Variants in HCFC1 observed in about 807,000 individuals in gnomAD.
HCFC1 encodes the protein host cell factor C1.
In HCFC1, 7 loss-of-function variants were observed where a neutral mutation model predicts 105.5. The observed-to-expected ratio is 0.07, with a 90% CI of 0.04 to 0.12. HCFC1 has a LOEUF of 0.12. HCFC1 is among the 10% of genes least tolerant of loss of function. HCFC1 has a pLI of 1.00. For missense variants in HCFC1, 1,065 were observed against 1,823.6 expected, an observed-to-expected ratio of 0.58 and a Z score of 7.58; for synonymous variants, 918 against 828.1, an observed-to-expected ratio of 1.11 and a Z score of -1.86.
rs965684015 is a variant in HCFC1, at chrX:153,970,877, A to G, written c.-37T>C. On this transcript the variant is annotated 5_prime_UTR_variant, in exon 1 of 26. Transcript: ENST00000310441. ...AGGGTGCGGTGGGGAGAAGTCAACAAGCGGGAAGGGAGCCCCTCAATTCCT... is the reference window on the plus strand; with the variant it reads ...AGGGTGCGGTGGGGAGAAGTCAACAGGCGGGAAGGGAGCCCCTCAATTCCT... 8.3e-6 allele frequency: 9 copies of G among 1,080,997 alleles called. No individual in the cohort carries two copies. The African/African-American group carries it at 1.5e-4, about 18-fold the overall frequency. 89.1% of individuals were successfully genotyped at this position (1,080,997 alleles called of 1,213,427 possible). A position where few individuals can be genotyped will look rare whatever the true frequency, so the allele number is the denominator to read the frequency against.
At chrX:153,958,366 G>A in intron 10 of HCFC1, 117 bp from the exon 11 acceptor site, 2 of 692,469 alleles carry the variant, frequency 2.9e-6, no homozygotes, top group Admixed American at 2.8e-5. Context: ...TCCTCCTCCT[G>A]CTCCCAAGCC....
At position 153,954,030 on chromosome X, in the gene HCFC1, G is replaced by A. The variant is rs782728808; in HGVS notation, c.4333+36C>T. The A allele has an allele frequency of 5.8e-5, 68 of 1,166,237 alleles. No homozygotes were observed. The East Asian group carries it at 1.0e-3, about 18-fold the overall frequency. ...TTGGCCTTTCAGCCTGGGGGGCTGG[G>A]AGACCATGAAAGCCAGGCTGGCCAC... On this transcript the variant is annotated intron_variant, in intron 17 of 25. Coordinates refer to ENST00000310441, the MANE Select transcript of HCFC1 (RefSeq NM_005334.3).
In HCFC1 at chrX:153,949,054, G is replaced by A. The variant is rs190463296; in HGVS notation, c.*293C>T. ...GGCGGAGCTGGCTGTCCTCAGCTCC[G>A]CCTTCCCTCCCCGCAAAAGTCTCTC... On this transcript the variant is annotated 3_prime_UTR_variant, in exon 26 of 26. Coordinates refer to ENST00000310441, the MANE Select transcript of HCFC1 (RefSeq NM_005334.3). 0.015 allele frequency: 3,601 copies of A among 233,627 alleles called. 120 individuals are homozygous for A. The highest frequency in any genetic ancestry group is 0.098 in the African/African-American group (3,353 of 34,267). The allele number at this position is 233,627 out of a possible 1,213,427, so 19.3% of individuals were successfully genotyped here.
chrX:153,950,741 C>T (rs910759871), intron 23 of HCFC1, 72 bp downstream of exon 23: 41 of 1,064,514 alleles, frequency 3.9e-5, no homozygotes, highest in South Asian at 1.2e-4. Flanking sequence ...TATGCCCCCC[C>T]CCGGCCACCT....
chrX:153,953,747 G>C lies in HCFC1; in HGVS notation c.4357C>G (p.Gln1453Glu). Reference protein sequence around the residue: ...NQDPPPAASDQGEVESTQGDS... With the variant: ...NQDPPPAASDEGEVESTQGDS... ...CCCTGGGTGCTCTCCACCTCTCCCT[G>C]ATCGCTGGCAGCAGGTGGGGGGTCT... Residue 1453 changes from glutamine (Q) to glutamate (E), a missense_variant, in exon 18 of 26, where the codon CAG becomes GAG. By Grantham distance (29) the Gln-to-Glu change is conservative. This residue lies in a region of HCFC1 where 546 missense variants were observed against 599.9 expected (regional missense o/e 0.91). Coordinates refer to ENST00000310441, the MANE Select transcript of HCFC1 (RefSeq NM_005334.3). 3 of 1,209,009 alleles carry C rather than the reference G, an allele frequency of 2.5e-6. No individual in the cohort carries two copies. The highest frequency in any genetic ancestry group is 3.4e-6 in the Non-Finnish European group (3 of 894,459).
chrX:153,954,793 C>T lies in HCFC1; in HGVS notation c.3606G>A (p.Gly1202=), dbSNP rs1674635787. The part of the protein sequence containing the change: ...LLGPSMAREP[G]GRSPAFVQLA... ...ACTGCACAAAAGCAGGGCTGCGGCC[C>T]CCGGGCTCCCGTGCCATGCTCGGCC... The change falls in exon 17 of 26, where the codon GGG becomes GGA. Residue 1202 remains glycine (G), a synonymous_variant. Transcript: ENST00000310441. The T allele has an allele frequency of 8.6e-7, 1 of 1,163,532 alleles. No homozygotes were observed. The highest frequency in any genetic ancestry group is 1.1e-6 in the Non-Finnish European group (1 of 873,147).
chrX:153,952,522 G>A lies in HCFC1; in HGVS notation c.4934C>T (p.Ala1645Val). The A allele has an allele frequency of 1.7e-6, 2 of 1,159,994 alleles. No homozygotes were observed. The change falls in exon 19 of 26, where the codon GCC (alanine) becomes GTC (valine). Residue 1645 changes from alanine to valine, a missense_variant. This residue lies in a region of HCFC1 where 115 missense variants were observed against 143.7 expected (regional missense o/e 0.80). Coordinates refer to ENST00000310441, the MANE Select transcript of HCFC1 (RefSeq NM_005334.3). ...IQAVLQAAQQ[A>V]VMGTGEPMDT... ...GTTGCACCGGCACTCACCCATGACG[G>A]CCTGCTGCGCGGCCTGGAGCACCGC...
In HCFC1 at chrX:153,971,108, G is replaced by A. The variant is rs2065528932; in HGVS notation, c.-268C>T. The stretch of plus-strand genomic sequence containing the variant: ...AAGCTGGAGGCCGCTGAGTCCCGTC[G>A]CCCCGACTACTTGTCCGGGCGCTCC... On this transcript the variant is annotated 5_prime_UTR_variant, in exon 1 of 26. Transcript: ENST00000310441. The A allele has an allele frequency of 2.9e-6, 1 of 344,397 alleles. No homozygotes were observed. The highest frequency in any genetic ancestry group is 4.7e-5 in the East Asian group (1 of 21,264). The allele number at this position is 344,397 out of a possible 1,213,427, so 28.4% of individuals were successfully genotyped here. A position where few individuals can be genotyped will look rare whatever the true frequency, so the allele number is the denominator to read the frequency against.
Position 153,950,334 on chromosome X carries a change from G to A in HCFC1, c.5913C>T (p.Ile1971=), listed in dbSNP as rs1557112093. 3 of 1,208,874 alleles carry A rather than the reference G, an allele frequency of 2.5e-6. No individual in the cohort carries two copies. The highest frequency in any genetic ancestry group is 1.7e-5 in the African/African-American group (1 of 57,367). The part of the protein sequence containing the change: ...VQSSSLSNAH[I]DYTTKPAIIF... ...TGATGGCGGGCTTGGTGGTGTAGTC[G>A]ATGTGGGCGTTGGAAAGGCTGGAGG... The change falls in exon 24 of 26, where the codon ATC becomes ATT. Residue 1971 remains isoleucine, a synonymous_variant. Transcript: ENST00000310441.
At chrX:153,962,831 G>C (rs903657366) in intron 4 of HCFC1, among the ~76,000 whole-genome samples, 1 of 111,426 alleles carries the variant, frequency 9.0e-6, no homozygotes, top group African/African-American at 3.3e-5. Flanking sequence ...AGCAGTCCCC[G>C]AAGGCCTCAC....
chrX:153,951,010 G>A lies in HCFC1; in HGVS notation c.5518-12C>T. ...GTGCCCAAATCATCCTAGGAAAAGA[G>A]GAGTGGCATGAACGCCACTGTGGAG... is the stretch of plus-strand genomic sequence containing the variant. On this transcript the variant is annotated splice_polypyrimidine_tract_variant and intron_variant, in intron 22 of 25. Transcript: ENST00000310441. 2.5e-6 allele frequency: 3 copies of A among 1,204,457 alleles called. No homozygotes were observed. In the African/African-American group the frequency reaches 5.2e-5, roughly 21 times the overall value.
At chrX:153,949,696 G>A in intron 24 of HCFC1, 80 bp from the exon 25 acceptor site, 2 of 905,341 alleles carry the variant, frequency 2.2e-6, no homozygotes, top group Non-Finnish European at 3.2e-6. Context: ...CCCGCCTGCA[G>A]AGTCTCTTGG....
At chrX:153,970,570 G>A (rs903767276) in intron 1 of HCFC1, 78 bp downstream of exon 1, 18 of 688,331 alleles carry the variant, frequency 2.6e-5, no homozygotes, top group Non-Finnish European at 4.0e-5. Context: ...AGCAGATGGA[G>A]GGAGGGAGGA....
At chrX:153,970,372 AG>A (rs1266821170) in intron 1 of HCFC1, among the ~76,000 whole-genome samples, 1 of 98,056 alleles carries the variant, frequency 1.0e-5, no homozygotes, top group African/African-American at 3.7e-5. Context: ...GGAGAAGATC[AG>A]AGAAAAGCAC....
At chrX:153,961,472 G>A in intron 6 of HCFC1, 70 bp downstream of exon 6, 1 of 745,272 alleles carries the variant, frequency 1.3e-6, no homozygotes, top group South Asian at 2.2e-5. Context: ...ACCCCACACA[G>A]CTCTTAGGCT....
rs1557113368 is a variant in HCFC1 at position 153,953,721 on chromosome X, G to A, written c.4383C>T (p.Gly1461=). The change falls in exon 18 of 26, where the codon GGC becomes GGT. Residue 1461 remains glycine, a synonymous_variant. Coordinates refer to ENST00000310441, the MANE Select transcript of HCFC1 (RefSeq NM_005334.3). ...SDQGEVESTQ[G]DSVNITSSSA... Reference sequence around the variant, plus strand: ...TGGAGCTGGTGATGTTCACGCTGTCGCCCTGGGTGCTCTCCACCTCTCCCT... The same window carrying A: ...TGGAGCTGGTGATGTTCACGCTGTCACCCTGGGTGCTCTCCACCTCTCCCT... The A allele has an allele frequency of 3.3e-6, 4 of 1,208,671 alleles. No homozygotes were observed. Among genetic ancestry groups the A allele is most frequent in the Non-Finnish European group, 3.4e-6 (3 of 894,479 alleles).
At chrX:153,964,767 C>A (rs1363488832) in intron 1 of HCFC1, 41 bp from the exon 2 acceptor site, 1 of 1,109,543 alleles carries the variant, frequency 9.0e-7, no homozygotes, top group African/African-American at 1.9e-5. Context: ...CACCCGGGAG[C>A]CCCCATTCCT....
At chrX:153,952,386 G>T in intron 19 of HCFC1, 128 bp downstream of exon 19, 1 of 897,658 alleles carries the variant, frequency 1.1e-6, no homozygotes, top group Non-Finnish European at 1.5e-6. Flanking sequence ...GGTCCCCTGT[G>T]CTCGTCCTCC....
rs1557119912 is a variant in HCFC1 at position 153,970,788 on chromosome X, C to T, written c.53G>A (p.Arg18His). The change falls in exon 1 of 26, where the codon CGC becomes CAC. Residue 18 changes from arginine to histidine, a missense_variant. Transcript: ENST00000310441. The stretch of plus-strand genomic sequence containing the variant: ...CGACCAGCCCACCACTCGCTTCCAG[C>T]GGGGCTGCAGAAGCACCGCTGGCAA... ...ANLPAVLLQP[R>H]WKRVVGWSGP... is the part of the protein sequence containing the mutation. The T allele has an allele frequency of 1.7e-6, 2 of 1,194,882 alleles. No homozygotes were observed. Among genetic ancestry groups the T allele is most frequent in the Admixed American group, 2.4e-5 (1 of 41,922 alleles).
Sources: allele counts gnomAD v4.1 joint callset (sites outside exome capture counted in the v4.1 genomes callset), GRCh38; gene constraint gnomAD v4.1.1; regional missense constraint gnomAD v4.1.1; transcripts MANE v1.5; gene names NCBI Gene and HGNC (gene_info 2026-07-23, HGNC 2026-07-21).